Variants in CRIM1 observed in about 807,000 individuals in gnomAD.
CRIM1 encodes cysteine rich transmembrane BMP regulator 1, also known as cysteine-rich motor neuron 1 protein.
In CRIM1, 32 loss-of-function variants were observed where a neutral mutation model predicts 116.4. That is an observed-to-expected ratio of 0.27 (90% CI 0.21 to 0.37). The LOEUF (loss-of-function observed/expected upper bound fraction) is 0.37. Ranked by LOEUF, CRIM1 falls within the 10% of genes least tolerant of loss-of-function variation. CRIM1 has a pLI of 1.00. For missense variants in CRIM1, 1,331 were observed against 1,354.8 expected (o/e 0.98, Z 0.28); for synonymous variants, 590 against 509.2 (o/e 1.16, Z -2.13).
chr2:36,427,115 T>C (rs774057592), intron 2 of CRIM1, among the ~76,000 whole-genome samples: 4 of 150,986 alleles, frequency 2.6e-5, no homozygotes, highest in Non-Finnish European at 4.4e-5. Flanking sequence ...GAAGGAGAAT[T>C]GCTTGAACCT....
chr2:36,497,268 C>T (rs1026902574), intron 7 of CRIM1, among the ~76,000 whole-genome samples: 2 of 152,176 alleles, frequency 1.3e-5, no homozygotes, highest in African/African-American at 2.4e-5. Flanking sequence ...TTGGCCTAAT[C>T]GCTCTAGAAC....
chr2:36,522,248 C>A lies in CRIM1; in HGVS notation c.2363C>A (p.Ser788Tyr), dbSNP rs934576486. The A allele has an allele frequency of 1.2e-6, 2 of 1,614,156 alleles. No homozygotes were observed. Among genetic ancestry groups the A allele is most frequent in the Non-Finnish European group, 1.7e-6 (2 of 1,180,030 alleles). ...AGCGTAATTAGCTGTTTCTCTGAGTCCTGCCCTTCTGTATCCTGTGAAAGA... is the reference window on the plus strand; with the variant it reads ...AGCGTAATTAGCTGTTTCTCTGAGTACTGCCCTTCTGTATCCTGTGAAAGA... ...IDSVISCFSE[S>Y]CPSVSCERPV... is the part of the protein sequence containing the mutation. The change falls in exon 13 of 17, where the codon TCC becomes TAC. Residue 788 changes from serine (S) to tyrosine (Y), a missense_variant. Physicochemically the swap from Ser to Tyr is moderately radical, Grantham distance 144 (BLOSUM62 -2). This residue lies in a region of CRIM1 where 358 missense variants were observed against 436.1 expected (regional missense o/e 0.82). Coordinates refer to ENST00000280527, the MANE Select transcript of CRIM1 (RefSeq NM_016441.3).
At position 36,526,003 on chromosome 2, in the gene CRIM1, T is replaced by A. The variant is rs1206747204; in HGVS notation, c.2428+3690T>A. ...TTCGAGGGCCTCATATTATGTGTGC[T>A]AATTTAATAGGATATGTAATATAGA... On this transcript the variant is annotated intron_variant, in intron 13 of 16. Transcript: ENST00000280527. 2.0e-5 allele frequency among the ~76,000 whole-genome samples: 3 copies of A among 152,348 alleles called. No individual in the cohort carries two copies. In the East Asian group the frequency reaches 5.8e-4, roughly 29 times the overall value.
intron 2 of CRIM1, among the ~76,000 whole-genome samples, chr2:36,429,550 C>T (rs1674714965): frequency 6.6e-6 from 1 of 152,192 alleles, no homozygotes; most frequent in South Asian, 2.1e-4. Context: ...TACCTTGAGC[C>T]AGCTCTACTG....
intron 2 of CRIM1, among the ~76,000 whole-genome samples, chr2:36,424,487 T>A (rs889592566): frequency 6.6e-6 from 1 of 152,106 alleles, no homozygotes; most frequent in African/African-American, 2.4e-5. Flanking sequence ...GATGGACATA[T>A]CTGATGAAAA....
chr2:36,433,877 A>G (rs776294093), intron 2 of CRIM1, among the ~76,000 whole-genome samples: 3 of 152,146 alleles, frequency 2.0e-5, no homozygotes, highest in Non-Finnish European at 2.9e-5. Context: ...CCAAGAAAAG[A>G]CTCTGCAAAG....
At chr2:36,373,640 G>A (rs947121543) in intron 1 of CRIM1, among the ~76,000 whole-genome samples, 2 of 152,308 alleles carry the variant, frequency 1.3e-5, no homozygotes, top group East Asian at 1.9e-4. Context: ...TGGACCAGCA[G>A]AATGGCCGTG....
chr2:36,449,298 G>C (rs562373123), intron 4 of CRIM1, among the ~76,000 whole-genome samples: 5 of 152,244 alleles, frequency 3.3e-5, no homozygotes, highest in African/African-American at 1.2e-4. Context: ...CACATCAGCG[G>C]AACAGGTCTG....
At chr2:36,387,971 G>A (rs1457325838) in intron 1 of CRIM1, among the ~76,000 whole-genome samples, 19 of 140,694 alleles carry the variant, frequency 1.4e-4, no homozygotes, top group African/African-American at 5.0e-4. Flanking sequence ...TTTTTTTTCA[G>A]CTTGTCTTAT....
intron 1 of CRIM1, among the ~76,000 whole-genome samples, chr2:36,370,193 C>T (rs1572572696): frequency 6.8e-6 from 1 of 146,494 alleles, no homozygotes; most frequent in Non-Finnish European, 1.5e-5. Flanking sequence ...GTGATTGGGA[C>T]AAAAGCTTTT....
intron 1 of CRIM1, among the ~76,000 whole-genome samples, chr2:36,363,581 A>G (rs1669387168): frequency 6.9e-6 from 1 of 144,572 alleles, no homozygotes; most frequent in African/African-American, 2.5e-5. Flanking sequence ...GATTTCTACA[A>G]AGTTTGTATA....
intron 7 of CRIM1, among the ~76,000 whole-genome samples, chr2:36,498,565 G>C (rs963405894): frequency 6.6e-6 from 1 of 152,142 alleles, no homozygotes; most frequent in Non-Finnish European, 1.5e-5. Context: ...GTCTTGCTTT[G>C]TTTAGTGCCC....
chr2:36,458,964 G>T (rs186867030), intron 4 of CRIM1, among the ~76,000 whole-genome samples: 1 of 152,246 alleles, frequency 6.6e-6, no homozygotes, highest in African/African-American at 2.4e-5. Flanking sequence ...TTCCCTCGTG[G>T]TATCTCTCAC....
intron 7 of CRIM1, 118 bp downstream of exon 7, chr2:36,479,812 C>G: frequency 1.0e-6 from 1 of 969,016 alleles, no homozygotes. Context: ...CACGCTGTTA[C>G]CAGTTGCCAA....
In CRIM1 at chr2:36,535,835, TA is replaced by T. The variant is rs1489190742; in HGVS notation, c.2429-1515del. 5.3e-5 allele frequency among the ~76,000 whole-genome samples: 8 copies of T among 152,364 alleles called. No homozygotes were observed. The East Asian group carries it at 1.5e-3, about 29-fold the overall frequency. On this transcript the variant is annotated intron_variant, in intron 13 of 16. Coordinates refer to ENST00000280527, the MANE Select transcript of CRIM1 (RefSeq NM_016441.3). ...AACATACAAATTTCAAAATATAGTA[TA>T]ACAACTATTTACATAGCATTTACAT...
At chr2:36,479,380 C>A in intron 6 of CRIM1, 117 bp from the exon 7 acceptor site, 1 of 949,672 alleles carries the variant, frequency 1.1e-6, no homozygotes, top group Non-Finnish European at 1.6e-6. Context: ...TTCTGTTGAT[C>A]ACAGTGGGAA....
intron 12 of CRIM1, 103 bp from the exon 13 acceptor site, chr2:36,521,989 G>A (rs1011013988): frequency 1.2e-6 from 1 of 860,244 alleles, no homozygotes; most frequent in Non-Finnish European, 1.9e-6. Context: ...ATTTAAGGAG[G>A]CACCGAAAGC....
intron 5 of CRIM1, among the ~76,000 whole-genome samples, chr2:36,468,422 T>G (rs1678217546): frequency 6.6e-6 from 1 of 151,968 alleles, no homozygotes; most frequent in Non-Finnish European, 1.5e-5. Context: ...GATGGGAGAG[T>G]TGCAGACCAG....
At chr2:36,410,047 C>T (rs990599956) in intron 2 of CRIM1, among the ~76,000 whole-genome samples, 2 of 152,128 alleles carry the variant, frequency 1.3e-5, no homozygotes, top group Non-Finnish European at 2.9e-5. Context: ...GCTTTTGATT[C>T]GTGGTTTCTC....
Sources: allele counts gnomAD v4.1 joint callset (sites outside exome capture counted in the v4.1 genomes callset), GRCh38; gene constraint gnomAD v4.1.1; regional missense constraint gnomAD v4.1.1; transcripts MANE v1.5; gene names NCBI Gene and HGNC (gene_info 2026-07-23, HGNC 2026-07-21).